The following NRXN3 variants were observed in gnomAD, a reference collection of about 807,000 sequenced individuals.
The protein encoded by NRXN3 is neurexin 3, also known as neurexin III.
NRXN3 carries 32 observed loss-of-function variants against 137.6 expected under a neutral mutation model. The observed-to-expected ratio is 0.23, with a 90% CI of 0.18 to 0.31. NRXN3 has a LOEUF of 0.31. Among genes scored for constraint, NRXN3 ranks in the 10% least tolerant of loss-of-function variants. The probability of loss-of-function intolerance (pLI) is 1.00; values close to 1 mark genes in which losing one functional copy is unlikely to be tolerated. For missense variants in NRXN3, 1,574 were observed against 2,062.5 expected, an observed-to-expected ratio of 0.76 and a Z score of 4.59; for synonymous variants, 798 against 784.5, an observed-to-expected ratio of 1.02 and a Z score of -0.29.
At chr14:78,534,881 G>A (rs1263387800) in intron 4 of NRXN3, among the ~76,000 whole-genome samples, 2 of 152,118 alleles carry the variant, frequency 1.3e-5, no homozygotes, top group Non-Finnish European at 2.9e-5. Context: ...GCAATTATAT[G>A]TACTTTTAGT....
intron 4 of NRXN3, among the ~76,000 whole-genome samples, chr14:78,395,838 T>A (rs1231354970): frequency 6.6e-6 from 1 of 152,076 alleles, no homozygotes; most frequent in Non-Finnish European, 1.5e-5. Flanking sequence ...GTGTGATTTA[T>A]CTTTTTCTAT....
intron 15 of NRXN3, among the ~76,000 whole-genome samples, chr14:79,354,942 C>T (rs941745252): frequency 2.6e-5 from 4 of 152,066 alleles, no homozygotes; most frequent in East Asian, 1.9e-4. Context: ...AAGTATAGGT[C>T]GTGTCCGAGG....
chr14:79,080,281 C>T (rs2046725500), intron 15 of NRXN3, among the ~76,000 whole-genome samples: 1 of 152,148 alleles, frequency 6.6e-6, no homozygotes, highest in Admixed American at 6.6e-5. Context: ...AAAGCAAATT[C>T]AATTTGATCT....
At chr14:79,240,486 C>A in intron 15 of NRXN3, among the ~76,000 whole-genome samples, 1 of 152,134 alleles carries the variant, frequency 6.6e-6, no homozygotes, top group East Asian at 1.9e-4. Flanking sequence ...TCACAGCTTG[C>A]TGAAAGGCTT....
At chr14:79,789,960 T>C (rs2099140065) in intron 19 of NRXN3, among the ~76,000 whole-genome samples, 1 of 152,118 alleles carries the variant, frequency 6.6e-6, no homozygotes, top group African/African-American at 2.4e-5. Flanking sequence ...AGTTTGGGCT[T>C]GTTCCTAGAG....
At chr14:78,457,107 C>T (rs1209089642) in intron 4 of NRXN3, among the ~76,000 whole-genome samples, 1 of 145,796 alleles carries the variant, frequency 6.9e-6, no homozygotes, top group Admixed American at 6.9e-5. Context: ...GGTTCAATCT[C>T]ACCTCACTGC....
chr14:78,236,819 G>C (rs565524005), intron 1 of NRXN3, among the ~76,000 whole-genome samples: 1 of 148,532 alleles, frequency 6.7e-6, no homozygotes, highest in African/African-American at 2.5e-5. Flanking sequence ...TTTAAATTCA[G>C]CTGTGCCTGC....
chr14:78,499,642 T>C (rs551224943), intron 4 of NRXN3, among the ~76,000 whole-genome samples: 41 of 152,336 alleles, frequency 2.7e-4, no homozygotes, highest in African/African-American at 8.7e-4. Flanking sequence ...TTATGGTTTC[T>C]TACAGGTTGC....
rs200520705 is a variant in NRXN3 at position 79,178,345 on chromosome 14, CT to C, written c.3262+190212del. ...TAAGCGTCTTGGCAAGTGTCTCTGT[CT>C]TTTTTTTAATTGTCTGATAATTTAA... is the stretch of plus-strand genomic sequence containing the variant. On this transcript the variant is annotated intron_variant, in intron 15 of 20. Transcript: ENST00000335750. Among the ~76,000 whole-genome samples, 1,489 of 152,126 alleles carry C rather than the reference CT, an allele frequency of 9.8e-3. 24 individuals carry two copies. The highest frequency in any genetic ancestry group is 0.034 in the African/African-American group (1,405 of 41,490).
intron 17 of NRXN3, among the ~76,000 whole-genome samples, chr14:79,680,384 TCAAAA>T (rs1450984648): frequency 1.1e-4 from 16 of 151,938 alleles, no homozygotes; most frequent in Non-Finnish European, 1.5e-5. Flanking sequence ...AAACCCTGTC[TCAAAA>T]CAAAACAGAA....
At chr14:78,427,293 G>A (rs894649658) in intron 4 of NRXN3, among the ~76,000 whole-genome samples, 7 of 152,194 alleles carry the variant, frequency 4.6e-5, no homozygotes, top group African/African-American at 1.7e-4. Flanking sequence ...TTAAAAATCT[G>A]CTGATAAAAG....
chr14:78,234,996 A>T (rs976969471), intron 1 of NRXN3, among the ~76,000 whole-genome samples: 1 of 23,410 alleles, frequency 4.3e-5, no homozygotes, highest in Non-Finnish European at 7.0e-5. Context: ...AAATGCTTTT[A>T]TATATATATA....
rs574991223 is a variant in NRXN3, at chr14:79,266,391, T to A, written c.3263-200830T>A. On this transcript the variant is annotated intron_variant, in intron 15 of 20. Coordinates refer to ENST00000335750, the MANE Select transcript of NRXN3 (RefSeq NM_001330195.2). Reference sequence around the variant, plus strand: ...TATAACCTTTAGAGCCAAATATATATGCTTTCTCTTCTTTCTCTTAAAGGT... The same window carrying A: ...TATAACCTTTAGAGCCAAATATATAAGCTTTCTCTTCTTTCTCTTAAAGGT... 7.6e-3 allele frequency among the ~76,000 whole-genome samples: 1,160 copies of A among 152,192 alleles called. 23 individuals are homozygous for A. The South Asian group carries it at 0.079, about 10-fold the overall frequency.
At chr14:79,459,018 A>G (rs1257262946) in intron 15 of NRXN3, among the ~76,000 whole-genome samples, 1 of 152,138 alleles carries the variant, frequency 6.6e-6, no homozygotes, top group Non-Finnish European at 1.5e-5. Flanking sequence ...TTAGAAAGCC[A>G]TTGTCCTTCT....
chr14:79,411,104 C>T (rs1403882300), intron 15 of NRXN3, among the ~76,000 whole-genome samples: 1 of 152,094 alleles, frequency 6.6e-6, no homozygotes, highest in Non-Finnish European at 1.5e-5. Flanking sequence ...CAAGTGGTTA[C>T]TGTGTGGGTC....
At chr14:78,255,441 C>G (rs896121148) in intron 2 of NRXN3, among the ~76,000 whole-genome samples, 3 of 152,194 alleles carry the variant, frequency 2.0e-5, no homozygotes, top group African/African-American at 7.2e-5. Flanking sequence ...TTGCTATTTG[C>G]TCTTCCTGAT....
At chr14:79,690,149 C>A (rs2098710871) in intron 17 of NRXN3, among the ~76,000 whole-genome samples, 1 of 152,160 alleles carries the variant, frequency 6.6e-6, no homozygotes, top group South Asian at 2.1e-4. Flanking sequence ...GGATGAATGA[C>A]ATCCTTTATG....
intron 10 of NRXN3, among the ~76,000 whole-genome samples, chr14:78,877,585 A>G (rs1412508743): frequency 6.6e-6 from 1 of 152,220 alleles, no homozygotes; most frequent in Non-Finnish European, 1.5e-5. Context: ...CACACAGTGC[A>G]TAACACAGTA....
At chr14:78,439,353 G>A (rs568386605) in intron 4 of NRXN3, among the ~76,000 whole-genome samples, 1 of 152,086 alleles carries the variant, frequency 6.6e-6, no homozygotes, top group Non-Finnish European at 1.5e-5. Flanking sequence ...TTAAAACAAG[G>A]GCATTGGTGA....
Sources: allele counts gnomAD v4.1 joint callset (sites outside exome capture counted in the v4.1 genomes callset), GRCh38; gene constraint gnomAD v4.1.1; transcripts MANE v1.5; gene names NCBI Gene and HGNC (gene_info 2026-07-23, HGNC 2026-07-21).